The following SNX31 variants were observed in gnomAD, a reference collection of about 807,000 sequenced individuals.
The protein encoded by SNX31 is sorting nexin 31.
A neutral mutation model predicts 65.4 loss-of-function variants in SNX31; 58 were observed. The ratio of observed to expected loss-of-function variants is 0.89; its 90% confidence interval spans 0.72 to 1.10. The LOEUF (loss-of-function observed/expected upper bound fraction) is 1.10. Ranked by LOEUF, SNX31 falls within the 50% of genes least tolerant of loss-of-function variation. The pLI is 0.00. For missense variants in SNX31, 523 were observed against 529.7 expected, an observed-to-expected ratio of 0.99 and a Z score of 0.12; for synonymous variants, 181 against 190.1, an observed-to-expected ratio of 0.95 and a Z score of 0.39.
At chr8:100,597,733 C>T (rs1180382956) in intron 9 of SNX31, among the ~76,000 whole-genome samples, 1 of 152,184 alleles carries the variant, frequency 6.6e-6, no homozygotes, top group Non-Finnish European at 1.5e-5. Context: ...CCAGGGAAGA[C>T]TTTTAAAATT....
rs551947743 is a variant in SNX31, at chr8:100,657,898, C to A, written c.-58+5244G>T. 0.013 allele frequency: 2,488 copies of A among 198,142 alleles called. 102 individuals are homozygous for A. The Admixed American group carries it at 0.14, about 11-fold the overall frequency. The allele number at this position is 198,142 out of a possible 1,614,324, so 12.3% of individuals were successfully genotyped here. A position where few individuals can be genotyped will look rare whatever the true frequency, so the allele number is the denominator to read the frequency against. On this transcript the variant is annotated intron_variant, in intron 1 of 5. Coordinates refer to the SNX31 transcript ENST00000520352. ...AAGAAAACAAAAAAACAAAAAATAA[C>A]AACAACAACAACAACAACAACAAAC...
chr8:100,614,461 T>G lies in SNX31; in HGVS notation c.433-1376A>C, dbSNP rs751114591. 2.7e-4 allele frequency among the ~76,000 whole-genome samples: 41 copies of G among 152,160 alleles called. No individual in the cohort carries two copies. Among genetic ancestry groups the G allele is most frequent in the Non-Finnish European group, 5.4e-4 (37 of 68,008 alleles). On this transcript the variant is annotated intron_variant, in intron 5 of 13. Transcript: ENST00000311812. This position sits in a 1 kb window ranked among gnomAD's most constrained non-coding sequence, Gnocchi z 5.1. Reference sequence around the variant, plus strand: ...CACCTTCTTTTGAGAGGAGTGAGCATCAGCAAAAAAATACGTAATAATATT... The same window carrying G: ...CACCTTCTTTTGAGAGGAGTGAGCAGCAGCAAAAAAATACGTAATAATATT...
intron 5 of SNX31, among the ~76,000 whole-genome samples, chr8:100,615,822 T>G (rs960373727): frequency 2.0e-4 from 30 of 152,150 alleles, no homozygotes; most frequent in African/African-American, 7.2e-4. Flanking sequence ...CAGGCTGGAG[T>G]GCAGTGGCGC....
At chr8:100,654,376 C>A (rs1820024285), upstream of SNX31, among the ~76,000 whole-genome samples, 1 of 152,140 alleles carries the variant, frequency 6.6e-6, no homozygotes, top group African/African-American at 2.4e-5. Context: ...CAATAACTCA[C>A]CCGAAGTCAC....
chr8:100,588,789 C>CATG lies in SNX31; in HGVS notation c.1092+74_1092+76dup. 1 of 1,046,838 alleles carries CATG rather than the reference C, an allele frequency of 9.6e-7. No homozygotes were observed. Among genetic ancestry groups the CATG allele is most frequent in the Non-Finnish European group, 1.5e-6 (1 of 675,458 alleles). The allele number at this position is 1,046,838 out of a possible 1,614,324, so 64.8% of individuals were successfully genotyped here. On this transcript the variant is annotated intron_variant, in intron 11 of 13. Coordinates refer to ENST00000311812, the MANE Select transcript of SNX31 (RefSeq NM_152628.4). This position sits in a 1 kb window ranked among gnomAD's most constrained non-coding sequence, Gnocchi z 4.8. Reference sequence around the variant, plus strand: ...GGTCCTGCTCTAGTTGGGTTAGGGTCATGTGCTTCATCCACCCCAGCAAGC... The same window carrying CATG: ...GGTCCTGCTCTAGTTGGGTTAGGGTCATGATGTGCTTCATCCACCCCAGCAAGC...
intron 13 of SNX31, among the ~76,000 whole-genome samples, chr8:100,574,478 A>G (rs1296663645): frequency 6.6e-6 from 1 of 152,058 alleles, no homozygotes; most frequent in Non-Finnish European, 1.5e-5. Flanking sequence ...ATAAAATACA[A>G]AAAAATTAGC....
At chr8:100,652,117 T>C (rs1023848420), upstream of SNX31, among the ~76,000 whole-genome samples, 1 of 152,170 alleles carries the variant, frequency 6.6e-6, no homozygotes, top group Non-Finnish European at 1.5e-5. Flanking sequence ...TAGCTGGGAT[T>C]ACAGGCACAC....
At chr8:100,605,197 C>G (rs1816036459) in intron 8 of SNX31, among the ~76,000 whole-genome samples, 1 of 152,150 alleles carries the variant, frequency 6.6e-6, no homozygotes, top group African/African-American at 2.4e-5. Flanking sequence ...CCATGCCTGG[C>G]CACTTCTTAG....
rs761651315 is a variant in SNX31, at chr8:100,608,462, A to G, written c.681+32T>C. On this transcript the variant is annotated intron_variant, in intron 8 of 13. Transcript: ENST00000311812. ...TCCAAGCCAACATGGCCTATGATCT[A>G]CGGTGCTGTCTGAGCTCTTGGTGAC... is the stretch of plus-strand genomic sequence containing the variant. 3 of 1,608,436 alleles carry G rather than the reference A, an allele frequency of 1.9e-6. No individual in the cohort carries two copies. In the East Asian group the frequency reaches 6.7e-5, roughly 36 times the overall value.
chr8:100,637,239 C>G (rs1482235999), intron 2 of SNX31, among the ~76,000 whole-genome samples: 3 of 152,138 alleles, frequency 2.0e-5, no homozygotes, highest in Non-Finnish European at 4.4e-5. Context: ...TTTATTCCAG[C>G]CCAACACTTG....
intron 4 of SNX31, chr8:100,618,320 A>C: frequency 6.5e-7 from 1 of 1,533,942 alleles, no homozygotes; most frequent in Non-Finnish European, 8.7e-7. Flanking sequence ...ACAGTCTCAT[A>C]ATTAACTTGC....
chr8:100,583,393 C>T (rs1813734665), intron 12 of SNX31, among the ~76,000 whole-genome samples: 1 of 151,992 alleles, frequency 6.6e-6, no homozygotes, highest in Non-Finnish European at 1.5e-5. Context: ...GCATGAGCCA[C>T]CATGCCCGGC....
intron 9 of SNX31, among the ~76,000 whole-genome samples, chr8:100,598,799 G>C (rs1815342355): frequency 6.6e-6 from 1 of 152,158 alleles, no homozygotes; most frequent in Non-Finnish European, 1.5e-5. Flanking sequence ...CAGCTATACA[G>C]ACATATGGTC....
rs1809772137 is a variant in SNX31, at chr8:100,660,759, T to TA, written c.-58+2382dup. Among the ~76,000 whole-genome samples the TA allele has an allele frequency of 6.6e-6, 1 of 152,192 alleles. No individual in the cohort carries two copies. The highest frequency in any genetic ancestry group is 2.4e-5 in the African/African-American group (1 of 41,452). On this transcript the variant is annotated intron_variant, in intron 1 of 5. Coordinates refer to the SNX31 transcript ENST00000520352. This position sits in a 1 kb window ranked among gnomAD's most constrained non-coding sequence, Gnocchi z 4.1. ...CTCCACAGACCCCAACGATTAGCCA[T>TA]AAAATGAGCTCACAAAGGCATTTAC...
chr8:100,641,568 ATATATATATATAT>A (rs1819207239), intron 2 of SNX31, among the ~76,000 whole-genome samples: 14 of 32,728 alleles, frequency 4.3e-4, no homozygotes, highest in Non-Finnish European at 5.9e-4. Flanking sequence ...AAAAAAAAAT[ATATATATATATAT>A]ATATATATAT....
At chr8:100,574,839 C>A (rs911834206) in intron 13 of SNX31, among the ~76,000 whole-genome samples, 8 of 152,080 alleles carry the variant, frequency 5.3e-5, no homozygotes, top group Non-Finnish European at 1.2e-4. Context: ...GAGGCTGAGG[C>A]AGGAGGATCG....
chr8:100,604,257 G>T lies in SNX31; in HGVS notation c.682-3816C>A, dbSNP rs1563538067. Among the ~76,000 whole-genome samples, 1 of 151,634 alleles carries T rather than the reference G, an allele frequency of 6.6e-6. No individual in the cohort carries two copies. Among genetic ancestry groups the T allele is most frequent in the Non-Finnish European group, 1.5e-5 (1 of 67,878 alleles). Reference sequence around the variant, plus strand: ...AAGCATCCTAAAGGTGCTGCAGATAGAAAAAAAGAAAAAAATAATAAAATT... The same window carrying T: ...AAGCATCCTAAAGGTGCTGCAGATATAAAAAAAGAAAAAAATAATAAAATT... On this transcript the variant is annotated intron_variant, in intron 8 of 13. Transcript: ENST00000311812. This position sits in a 1 kb window ranked among gnomAD's most constrained non-coding sequence, Gnocchi z 4.3.
intron 12 of SNX31, among the ~76,000 whole-genome samples, chr8:100,580,148 C>T (rs1048017373): frequency 3.0e-5 from 4 of 132,338 alleles, no homozygotes; most frequent in African/African-American, 1.3e-4. Flanking sequence ...GGAGACAGAG[C>T]CTGTCTTTAA....
chr8:100,602,305 G>C (rs1347716024), intron 8 of SNX31, among the ~76,000 whole-genome samples: 1 of 152,126 alleles, frequency 6.6e-6, no homozygotes, highest in Non-Finnish European at 1.5e-5. Flanking sequence ...TGCTGTTTAG[G>C]CTGGGGGAAA....
Sources: gnomAD v4.1 joint callset for allele counts (sites outside exome capture counted in the v4.1 genomes callset) on GRCh38, gnomAD v4.1.1 for gene constraint, Gnocchi (gnomAD v3.1) non-coding constraint, MANE v1.5 for transcripts, NCBI Gene and HGNC (gene_info 2026-07-23, HGNC 2026-07-21) for gene names.